Variants in PTPN14 observed in about 807,000 individuals in gnomAD.
PTPN14 encodes the protein protein tyrosine phosphatase non-receptor type 14.
In PTPN14, 53 loss-of-function variants were observed where a neutral mutation model predicts 126.8. The ratio of observed to expected loss-of-function variants is 0.42; its 90% CI spans 0.34 to 0.53. The LOEUF is 0.53. Ranked by LOEUF, PTPN14 falls within the 20% of genes least tolerant of loss-of-function variation. The pLI, the probability that PTPN14 is intolerant of heterozygous loss-of-function variation, is 0.08. For missense variants in PTPN14, 1,257 were observed against 1,552.9 expected (o/e 0.81, Z 3.20); for synonymous variants, 630 against 599.3 (o/e 1.05, Z -0.75).
intron 1 of PTPN14, among the ~76,000 whole-genome samples, chr1:214,490,927 GAAGGAAAGAAAGA>G (rs1356091541): frequency 3.2e-5 from 3 of 94,444 alleles, no homozygotes; most frequent in South Asian, 4.2e-4. Flanking sequence ...GGAAAGAAAG[GAAGGAAAGAAAGA>G]AAGAAAAGAA....
chr1:214,487,325 A>G lies in PTPN14; in HGVS notation c.-154-22368T>C, dbSNP rs1444241773. Among the ~76,000 whole-genome samples, 5 of 152,208 alleles carry G rather than the reference A, an allele frequency of 3.3e-5. No homozygotes were observed. In the East Asian group the frequency reaches 9.6e-4, roughly 29 times the overall value. ...GCCAGACTAGAATTAAAGAAGGTGC[A>G]TCAAAGACTATTACATCCAGCTGGG... On this transcript the variant is annotated intron_variant, in intron 1 of 18. Transcript: ENST00000366956.
At chr1:214,497,159 AC>A (rs1442754527) in intron 1 of PTPN14, among the ~76,000 whole-genome samples, 8 of 152,174 alleles carry the variant, frequency 5.3e-5, no homozygotes, top group African/African-American at 1.9e-4. Flanking sequence ...GAAAACAACA[AC>A]CTGGAGGAAA....
intron 2 of PTPN14, among the ~76,000 whole-genome samples, chr1:214,457,413 C>T (rs188924368): frequency 1.3e-5 from 2 of 152,286 alleles, no homozygotes; most frequent in Non-Finnish European, 2.9e-5. Context: ...TTCTCCAGAG[C>T]GCTGGATTTC....
chr1:214,413,255 G>A (rs959840916), intron 4 of PTPN14, among the ~76,000 whole-genome samples: 2 of 152,160 alleles, frequency 1.3e-5, no homozygotes, highest in South Asian at 4.1e-4. Flanking sequence ...TTTCAACAAT[G>A]CTACCTCTGA....
At chr1:214,510,587 T>C (rs1654950046) in intron 1 of PTPN14, among the ~76,000 whole-genome samples, 1 of 152,256 alleles carries the variant, frequency 6.6e-6, no homozygotes, top group African/African-American at 2.4e-5. Context: ...TTCAGCTTTC[T>C]GAATAAAAAC....
chr1:214,547,977 T>G (rs943919126), intron 1 of PTPN14, among the ~76,000 whole-genome samples: 1 of 151,656 alleles, frequency 6.6e-6, no homozygotes, highest in Non-Finnish European at 1.5e-5. Flanking sequence ...TTCAGGCTGC[T>G]GAAAAAAATC....
Position 214,464,743 on chromosome 1 carries a change from A to T in PTPN14, c.61T>A (p.Phe21Ile), listed in dbSNP as rs1303629286. Reference protein sequence around the residue: ...RRYNVLSKNCFVTRIRLLDSN... With the variant: ...RRYNVLSKNCIVTRIRLLDSN... Reference sequence around the variant, plus strand: ...TCCAGCAGGCGAATCCGTGTGACAAAGCAGTTCTTGCTCAGGACGTTGTAG... The same window carrying T: ...TCCAGCAGGCGAATCCGTGTGACAATGCAGTTCTTGCTCAGGACGTTGTAG... The change falls in exon 2 of 19, where the codon TTT (phenylalanine) becomes ATT (isoleucine). Residue 21 changes from phenylalanine to isoleucine, a missense_variant. Phe to Ile is a conservative substitution (Grantham distance 21, BLOSUM62 0). Coordinates refer to ENST00000366956, the MANE Select transcript of PTPN14 (RefSeq NM_005401.5). The T allele has an allele frequency of 6.2e-7, 1 of 1,614,284 alleles. No homozygotes were observed. The highest frequency in any genetic ancestry group is 8.5e-7 in the Non-Finnish European group (1 of 1,180,054).
At chr1:214,378,373 T>C (rs1658393274) in intron 13 of PTPN14, among the ~76,000 whole-genome samples, 1 of 152,116 alleles carries the variant, frequency 6.6e-6, no homozygotes, top group Non-Finnish European at 1.5e-5. Context: ...CACCCTGCCA[T>C]AGGGCAAAAC....
intron 1 of PTPN14, among the ~76,000 whole-genome samples, chr1:214,496,489 C>G (rs1654517722): frequency 6.6e-6 from 1 of 152,198 alleles, no homozygotes; most frequent in Non-Finnish European, 1.5e-5. Flanking sequence ...AGTACCTGCC[C>G]TGCTCCCCAA....
chr1:214,498,418 G>C (rs1192172588), intron 1 of PTPN14, among the ~76,000 whole-genome samples: 6 of 152,206 alleles, frequency 3.9e-5, no homozygotes, highest in Non-Finnish European at 5.9e-5. Context: ...AAATAATTCA[G>C]AGGGATGTAA....
At chr1:214,424,747 C>G (rs1659622597) in intron 3 of PTPN14, among the ~76,000 whole-genome samples, 1 of 152,068 alleles carries the variant, frequency 6.6e-6, no homozygotes, top group South Asian at 2.1e-4. Flanking sequence ...TGCAGTTTTG[C>G]CATGTTGGCA....
intron 1 of PTPN14, among the ~76,000 whole-genome samples, chr1:214,501,493 C>T (rs1356258252): frequency 6.6e-6 from 1 of 152,078 alleles, no homozygotes; most frequent in East Asian, 1.9e-4. Flanking sequence ...CCACCCTCCT[C>T]AGCCTCCCAA....
chr1:214,360,271 T>C (rs537293853), intron 18 of PTPN14, among the ~76,000 whole-genome samples: 6 of 152,352 alleles, frequency 3.9e-5, no homozygotes, highest in South Asian at 2.1e-4. Context: ...TCAGTCACTC[T>C]TGTTCAACAC....
intron 12 of PTPN14, among the ~76,000 whole-genome samples, chr1:214,385,442 T>C (rs974394634): frequency 2.6e-5 from 4 of 151,988 alleles, no homozygotes; most frequent in Admixed American, 1.3e-4. Context: ...AAATTAATTA[T>C]AGTTTAAAGA....
At chr1:214,497,273 C>T (rs796706056) in intron 1 of PTPN14, among the ~76,000 whole-genome samples, 26 of 152,098 alleles carry the variant, frequency 1.7e-4, no homozygotes, top group African/African-American at 5.6e-4. Context: ...GAAAGACACA[C>T]AGCTAAGAAG....
chr1:214,502,262 C>T (rs897546898), intron 1 of PTPN14, among the ~76,000 whole-genome samples: 2 of 151,834 alleles, frequency 1.3e-5, no homozygotes, highest in African/African-American at 2.4e-5. Flanking sequence ...CTACTGATGG[C>T]GGTAGGGTCA....
intron 3 of PTPN14, among the ~76,000 whole-genome samples, chr1:214,428,782 A>G (rs1264869300): frequency 6.6e-6 from 1 of 152,206 alleles, no homozygotes; most frequent in African/African-American, 2.4e-5. Context: ...AATAAAGGGT[A>G]TTTCCTTTCT....
chr1:214,519,981 G>A (rs377682045), intron 1 of PTPN14, among the ~76,000 whole-genome samples: 4 of 146,820 alleles, frequency 2.7e-5, no homozygotes, highest in East Asian at 4.0e-4. Flanking sequence ...CGCGGGGTTC[G>A]AGGCCACAGT....
At chr1:214,477,432 C>T (rs1317201353) in intron 1 of PTPN14, among the ~76,000 whole-genome samples, 1 of 152,188 alleles carries the variant, frequency 6.6e-6, no homozygotes, top group African/African-American at 2.4e-5. Context: ...TAAAGACACA[C>T]AACACACACA....
Sources: allele counts gnomAD v4.1 joint callset (sites outside exome capture counted in the v4.1 genomes callset), GRCh38; gene constraint gnomAD v4.1.1; transcripts MANE v1.5; gene names NCBI Gene and HGNC (gene_info 2026-07-23, HGNC 2026-07-21).